Variants in LHFPL3 observed in about 807,000 individuals in gnomAD.
LHFPL3 encodes the protein LHFPL tetraspan subfamily member 3.
In LHFPL3, 5 loss-of-function variants were observed where a neutral mutation model predicts 19.3. The observed-to-expected ratio is 0.26, with a 90% CI of 0.14 to 0.54. The LOEUF (loss-of-function observed/expected upper bound fraction) is 0.54. Among genes scored for constraint, LHFPL3 ranks in the 20% least tolerant of loss-of-function variants. The pLI is 0.94. For missense variants in LHFPL3, 249 were observed against 307.4 expected (o/e 0.81, Z 1.42); for synonymous variants, 133 against 126.2 (o/e 1.05, Z -0.36).
chr7:104,427,089 C>T (rs1434551783), intron 1 of LHFPL3, among the ~76,000 whole-genome samples: 1 of 152,146 alleles, frequency 6.6e-6, no homozygotes, highest in East Asian at 1.9e-4. Flanking sequence ...CCTAACGTCT[C>T]GAGGTTTTCA....
intron 2 of LHFPL3, among the ~76,000 whole-genome samples, chr7:104,749,278 G>C (rs1161060490): frequency 6.6e-6 from 1 of 152,252 alleles, no homozygotes; most frequent in African/African-American, 2.4e-5. Context: ...ATGTATAACA[G>C]TCAATTAATT....
chr7:104,806,545 T>C (rs2116490513), intron 2 of LHFPL3, among the ~76,000 whole-genome samples: 1 of 152,328 alleles, frequency 6.6e-6, no homozygotes, highest in South Asian at 2.1e-4. Flanking sequence ...AAACATTTTC[T>C]CTTGAGGGTT....
chr7:104,655,337 G>A (rs1792103016), intron 1 of LHFPL3, among the ~76,000 whole-genome samples: 1 of 152,188 alleles, frequency 6.6e-6, no homozygotes. Flanking sequence ...CAGGGAGAAA[G>A]ATGACTAAGT....
chr7:104,781,225 C>T (rs1460775386), intron 2 of LHFPL3, among the ~76,000 whole-genome samples: 1 of 152,160 alleles, frequency 6.6e-6, no homozygotes, highest in African/African-American at 2.4e-5. Flanking sequence ...TTTTCTTCTC[C>T]TAAATGTCCT....
At chr7:104,333,384 G>A (rs1801606306) in intron 1 of LHFPL3, among the ~76,000 whole-genome samples, 1 of 152,212 alleles carries the variant, frequency 6.6e-6, no homozygotes. Context: ...CATCTGTGGA[G>A]ATGGGACACC....
intron 2 of LHFPL3, among the ~76,000 whole-genome samples, chr7:104,761,404 T>C (rs1469597908): frequency 6.6e-6 from 1 of 151,994 alleles, no homozygotes; most frequent in Non-Finnish European, 1.5e-5. Context: ...TAATCCAATA[T>C]TACAAAGACA....
At chr7:104,483,462 T>C (rs1793176438) in intron 1 of LHFPL3, among the ~76,000 whole-genome samples, 1 of 152,264 alleles carries the variant, frequency 6.6e-6, no homozygotes, top group African/African-American at 2.4e-5. Context: ...AACTACATAG[T>C]TATTTTTACT....
rs190965274 is a variant in LHFPL3 at position 104,498,677 on chromosome 7, C to T, written c.445+169453C>T. Among the ~76,000 whole-genome samples the T allele has an allele frequency of 2.5e-3, 379 of 152,182 alleles. 1 individual carries two copies. The highest frequency in any genetic ancestry group is 8.7e-3 in the African/African-American group (363 of 41,518). On this transcript the variant is annotated intron_variant, in intron 1 of 2. Transcript: ENST00000424859. ...ATTTTTAGTAGAGACGGGGTTTCAC[C>T]ATGTTGACCAGGTTGGTCTCGAACT...
chr7:104,789,139 G>T (rs1349995049), intron 2 of LHFPL3, among the ~76,000 whole-genome samples: 2 of 152,224 alleles, frequency 1.3e-5, no homozygotes, highest in Non-Finnish European at 2.9e-5. Context: ...ATTGAGAGAA[G>T]TGTGGAATTC....
chr7:104,737,154 T>C (rs1467343163), intron 2 of LHFPL3, among the ~76,000 whole-genome samples: 1 of 582 alleles, frequency 1.7e-3, no homozygotes, highest in Admixed American at 0.031. Context: ...TTTTGATGCT[T>C]TTTTTTTTCC....
intron 1 of LHFPL3, among the ~76,000 whole-genome samples, chr7:104,412,680 C>T (rs1047172752): frequency 7.2e-5 from 11 of 151,906 alleles, no homozygotes; most frequent in African/African-American, 1.7e-4. Context: ...GGTGTGTAAG[C>T]GATGTGTTCA....
At chr7:104,845,714 A>G (rs186520083) in intron 2 of LHFPL3, among the ~76,000 whole-genome samples, 162 of 152,340 alleles carry the variant, frequency 1.1e-3, no homozygotes, top group African/African-American at 3.8e-3. Context: ...TTCTCTGACA[A>G]TGAGCACTTG....
intron 1 of LHFPL3, among the ~76,000 whole-genome samples, chr7:104,674,181 T>C (rs1203279946): frequency 2.0e-5 from 3 of 151,830 alleles, no homozygotes; most frequent in African/African-American, 7.3e-5. Flanking sequence ...CTCTAGACAC[T>C]GATTTCTTCA....
At chr7:104,894,252 C>A (rs983156907) in intron 2 of LHFPL3, among the ~76,000 whole-genome samples, 4 of 152,182 alleles carry the variant, frequency 2.6e-5, no homozygotes, top group African/African-American at 7.2e-5. Flanking sequence ...TGCCCCGTAA[C>A]GGTATTTGCA....
intron 1 of LHFPL3, among the ~76,000 whole-genome samples, chr7:104,417,333 C>G (rs1262062957): frequency 1.3e-5 from 2 of 152,124 alleles, no homozygotes; most frequent in Non-Finnish European, 2.9e-5. Context: ...AACAACTTCA[C>G]AGATAGATAG....
intron 2 of LHFPL3, among the ~76,000 whole-genome samples, chr7:104,873,824 C>T (rs966807597): frequency 6.6e-6 from 1 of 152,182 alleles, no homozygotes; most frequent in East Asian, 1.9e-4. Flanking sequence ...TCTCAGAGTG[C>T]GAGGCAAGGC....
chr7:104,862,424 G>A (rs1791633491), intron 2 of LHFPL3, among the ~76,000 whole-genome samples: 1 of 152,172 alleles, frequency 6.6e-6, no homozygotes, highest in Non-Finnish European at 1.5e-5. Context: ...CTTCTGGGTA[G>A]GCAGTGTTAT....
intron 2 of LHFPL3, among the ~76,000 whole-genome samples, chr7:104,822,782 C>A (rs1011332319): frequency 1.3e-5 from 2 of 151,912 alleles, no homozygotes; most frequent in Non-Finnish European, 2.9e-5. Context: ...GGGGCAAACA[C>A]AGGGAGAAAG....
intron 2 of LHFPL3, chr7:104,895,748 T>A (rs1471694211): frequency 6.6e-6 from 1 of 152,184 alleles, no homozygotes; most frequent in African/African-American, 2.4e-5. Flanking sequence ...AACTCTTCAG[T>A]TAACTTGGTA....
Sources: allele counts gnomAD v4.1 joint callset (sites outside exome capture counted in the v4.1 genomes callset), GRCh38; gene constraint gnomAD v4.1.1; transcripts MANE v1.5; gene names NCBI Gene and HGNC (gene_info 2026-07-23, HGNC 2026-07-21).